Variants in RIMS2 observed in about 807,000 individuals in gnomAD.
The protein encoded by RIMS2 is regulating synaptic membrane exocytosis protein 2.
In RIMS2, 59 loss-of-function variants were observed where a neutral mutation model predicts 174.4. That is an observed-to-expected ratio of 0.34 (90% CI 0.27 to 0.42). The LOEUF (loss-of-function observed/expected upper bound fraction) is 0.42. RIMS2 is among the 10% of genes least tolerant of loss of function. The pLI, the probability that RIMS2 is intolerant of heterozygous loss-of-function variation, is 1.00. For synonymous variants in RIMS2, 606 were observed against 572.5 expected (o/e 1.06, Z -0.84); for missense variants, 1,620 against 1,666.3 (o/e 0.97, Z 0.48).
intron 3 of RIMS2, among the ~76,000 whole-genome samples, chr8:103,883,880 CAT>C (rs969885419): frequency 1.3e-5 from 2 of 151,842 alleles, no homozygotes; most frequent in African/African-American, 4.8e-5. Flanking sequence ...GGCAGATTTC[CAT>C]AGACTCCTGA....
intron 3 of RIMS2, among the ~76,000 whole-genome samples, chr8:103,777,417 A>G (rs545456887): frequency 3.9e-5 from 6 of 152,050 alleles, no homozygotes; most frequent in African/African-American, 1.4e-4. Context: ...TCTACATGGA[A>G]TGAAAAATGA....
At chr8:103,564,002 A>G (rs2449913) in intron 1 of RIMS2, among the ~76,000 whole-genome samples, 116,878 of 152,138 alleles carry the variant, frequency 0.77, 45,084 homozygotes, top group East Asian at 0.88. Context: ...CCCACAACAC[A>G]TGGGAATTCA....
At chr8:103,616,700 A>T (rs1433354687) in intron 1 of RIMS2, among the ~76,000 whole-genome samples, 1 of 152,210 alleles carries the variant, frequency 6.6e-6, no homozygotes, top group Non-Finnish European at 1.5e-5. Context: ...TTGTAAAAAA[A>T]AATCACTAGT....
chr8:103,754,889 A>T (rs1422681060), intron 2 of RIMS2, among the ~76,000 whole-genome samples: 1 of 152,140 alleles, frequency 6.6e-6, no homozygotes, highest in East Asian at 1.9e-4. Flanking sequence ...CCAATTTGCC[A>T]GTCTGTGTCT....
At chr8:103,890,658 CA>C (rs1448725923) in intron 4 of RIMS2, among the ~76,000 whole-genome samples, 1 of 151,848 alleles carries the variant, frequency 6.6e-6, no homozygotes, top group African/African-American at 2.4e-5. Context: ...TAGGAAATTG[CA>C]AATTGATTTT....
intron 19 of RIMS2, among the ~76,000 whole-genome samples, chr8:104,196,151 A>C (rs2099023071): frequency 6.6e-6 from 1 of 152,154 alleles, no homozygotes; most frequent in African/African-American, 2.4e-5. Flanking sequence ...AGAGCAGACC[A>C]ATACTCCAAA....
chr8:104,147,069 T>C (rs889262097), intron 19 of RIMS2, among the ~76,000 whole-genome samples: 1 of 152,234 alleles, frequency 6.6e-6, no homozygotes, highest in Admixed American at 6.5e-5. Flanking sequence ...CCTTAGTTTC[T>C]GTTAAACTTT....
At chr8:103,762,531 T>C (rs753753376) in intron 2 of RIMS2, among the ~76,000 whole-genome samples, 2 of 152,216 alleles carry the variant, frequency 1.3e-5, no homozygotes, top group Non-Finnish European at 2.9e-5. Flanking sequence ...AATCATTTCA[T>C]AGTCAATTAA....
chr8:103,527,546 C>G (rs1440749745), intron 1 of RIMS2, among the ~76,000 whole-genome samples: 1 of 152,184 alleles, frequency 6.6e-6, no homozygotes, highest in East Asian at 1.9e-4. Context: ...CCCCATCCCC[C>G]CTCCCCACAA....
intron 16 of RIMS2, among the ~76,000 whole-genome samples, chr8:103,977,644 T>C (rs1409434571): frequency 6.6e-6 from 1 of 152,154 alleles, no homozygotes; most frequent in Non-Finnish European, 1.5e-5. Context: ...ATTTCACATT[T>C]TAAAGGGATA....
chr8:103,890,015 G>A (rs2099233492), intron 4 of RIMS2, among the ~76,000 whole-genome samples: 1 of 151,846 alleles, frequency 6.6e-6, no homozygotes, highest in South Asian at 2.1e-4. Context: ...CTGTAAATCA[G>A]GATAATAGTA....
chr8:103,579,003 T>C (rs1018210163), intron 1 of RIMS2, among the ~76,000 whole-genome samples: 1 of 141,402 alleles, frequency 7.1e-6, no homozygotes, highest in African/African-American at 2.6e-5. Flanking sequence ...AAAAAAAAAA[T>C]AGAATATTGT....
At chr8:104,110,355 G>A (rs1476510686) in intron 19 of RIMS2, among the ~76,000 whole-genome samples, 1 of 152,084 alleles carries the variant, frequency 6.6e-6, no homozygotes, top group Non-Finnish European at 1.5e-5. Context: ...CCTTATATAA[G>A]GCAGAAAAAC....
intron 1 of RIMS2, among the ~76,000 whole-genome samples, chr8:103,606,573 A>C (rs1450684484): frequency 6.6e-6 from 1 of 152,072 alleles, no homozygotes; most frequent in Non-Finnish European, 1.5e-5. Context: ...TTTCTGTCTC[A>C]TTGATCTGTC....
At chr8:103,636,780 A>ACCCCTCC (rs2096085609) in intron 1 of RIMS2, among the ~76,000 whole-genome samples, 1 of 56,450 alleles carries the variant, frequency 1.8e-5, no homozygotes, top group African/African-American at 7.7e-5. Context: ...TCTATAACCC[A>ACCCCTCC]CCCCCGCACC....
At chr8:103,684,121 T>C (rs2096911017) in intron 1 of RIMS2, among the ~76,000 whole-genome samples, 1 of 152,170 alleles carries the variant, frequency 6.6e-6, no homozygotes, top group African/African-American at 2.4e-5. Flanking sequence ...CTTTTTTGTA[T>C]ATAGTTGAGT....
intron 1 of RIMS2, among the ~76,000 whole-genome samples, chr8:103,642,099 A>G (rs979990859): frequency 6.6e-6 from 1 of 152,032 alleles, no homozygotes; most frequent in Non-Finnish European, 1.5e-5. Flanking sequence ...ACTGTGTTGC[A>G]TTTATTGTAC....
chr8:104,127,806 G>C (rs1318571564), intron 19 of RIMS2, among the ~76,000 whole-genome samples: 1 of 152,014 alleles, frequency 6.6e-6, no homozygotes. Flanking sequence ...TGAAATGCCA[G>C]TACTTACAAA....
Position 103,598,905 on chromosome 8 carries a change from A to AT in RIMS2, c.176+97854dup, listed in dbSNP as rs1156947369. ...GATGACCAAGATAGATAGGATCTTT[A>AT]TTTTTTTTTTTACAGTAAGTTATTG... is the stretch of plus-strand genomic sequence containing the variant. On this transcript the variant is annotated intron_variant, in intron 1 of 23. Transcript: ENST00000504942. Among the ~76,000 whole-genome samples the AT allele has an allele frequency of 3.3e-3, 486 of 146,920 alleles. 1 individual carries two copies. The highest frequency in any genetic ancestry group is 9.4e-3 in the African/African-American group (378 of 40,374).
Sources: allele counts gnomAD v4.1 joint callset (sites outside exome capture counted in the v4.1 genomes callset), GRCh38; gene constraint gnomAD v4.1.1; transcripts MANE v1.5; gene names NCBI Gene and HGNC (gene_info 2026-07-23, HGNC 2026-07-21).